PKNOX2: variants seen among roughly 807,000 people sequenced by gnomAD.
The protein encoded by PKNOX2 is PBX/knotted 1 homeobox 2.
Under a neutral mutation model 53.1 loss-of-function variants are expected in PKNOX2, and 14 were observed. The observed-to-expected ratio is 0.26, with a 90% CI of 0.17 to 0.41. The LOEUF (loss-of-function observed/expected upper bound fraction) is 0.41. PKNOX2 is among the 10% of genes least tolerant of loss of function. PKNOX2 has a pLI of 1.00. For synonymous variants in PKNOX2, 257 were observed against 242.8 expected (o/e 1.06, Z -0.54); for missense variants, 496 against 602.8 (o/e 0.82, Z 1.85).
chr11:125,377,724 T>C (rs1952924908), intron 5 of PKNOX2, among the ~76,000 whole-genome samples: 1 of 152,168 alleles, frequency 6.6e-6, no homozygotes, highest in Non-Finnish European at 1.5e-5. Flanking sequence ...TAAAATACAC[T>C]AATACTAACA....
chr11:125,300,171 GGAGAGTCTGCTTTT>G (rs972345842), intron 2 of PKNOX2, among the ~76,000 whole-genome samples: 4 of 152,180 alleles, frequency 2.6e-5, no homozygotes, highest in African/African-American at 9.7e-5. Flanking sequence ...TGGCTTCTTT[GGAGAGTCTGCTTTT>G]GAAAGAGCAA....
chr11:125,380,177 T>G (rs1953127252), intron 5 of PKNOX2, among the ~76,000 whole-genome samples: 1 of 152,252 alleles, frequency 6.6e-6, no homozygotes, highest in Non-Finnish European at 1.5e-5. Context: ...GGCGCAGAGC[T>G]GAATGTGCTA....
chr11:125,398,388 C>A (rs189605793), intron 7 of PKNOX2, among the ~76,000 whole-genome samples: 350 of 152,344 alleles, frequency 2.3e-3, no homozygotes, highest in Middle Eastern at 6.8e-3. Flanking sequence ...GGAAAGCTCT[C>A]CTGGAGGATG....
chr11:125,375,318 C>T (rs1229807017), intron 5 of PKNOX2, among the ~76,000 whole-genome samples: 1 of 152,184 alleles, frequency 6.6e-6, no homozygotes, highest in South Asian at 2.1e-4. Flanking sequence ...TTCTCTCATA[C>T]AGCAACAGTC....
chr11:125,195,430 G>T (rs1957119306), intron 1 of PKNOX2, among the ~76,000 whole-genome samples: 1 of 152,168 alleles, frequency 6.6e-6, no homozygotes, highest in Admixed American at 6.5e-5. Context: ...TGGGAGGCCT[G>T]GGAAGCAGGA....
chr11:125,225,590 T>A (rs1352913006), intron 1 of PKNOX2, among the ~76,000 whole-genome samples: 1 of 152,140 alleles, frequency 6.6e-6, no homozygotes, highest in Non-Finnish European at 1.5e-5. Context: ...GCTGGCTTAC[T>A]CCTGGAGGGC....
intron 1 of PKNOX2, among the ~76,000 whole-genome samples, chr11:125,195,229 G>C (rs1957109215): frequency 6.6e-6 from 1 of 152,158 alleles, no homozygotes; most frequent in South Asian, 2.1e-4. Context: ...TCTCAGCCTA[G>C]AAAGAAGCTG....
chr11:125,293,553 A>C (rs182054916), intron 2 of PKNOX2, among the ~76,000 whole-genome samples: 1 of 152,164 alleles, frequency 6.6e-6, no homozygotes, highest in Non-Finnish European at 1.5e-5. Context: ...CAGGTCTTGC[A>C]TCTGGCAGCC....
intron 10 of PKNOX2, among the ~76,000 whole-genome samples, chr11:125,423,036 G>A (rs1956243421): frequency 7.3e-6 from 1 of 136,432 alleles, no homozygotes. Flanking sequence ...ATACTGATCA[G>A]TTTAGCTACA....
chr11:125,219,742 A>C (rs1052222342), intron 1 of PKNOX2, among the ~76,000 whole-genome samples: 2 of 152,246 alleles, frequency 1.3e-5, no homozygotes, highest in Admixed American at 6.5e-5. Flanking sequence ...AATGGGCAAA[A>C]AGCCAAAAAA....
rs944192976 is a variant in PKNOX2 at position 125,310,324 on chromosome 11, A to G, written c.-129-21495A>G. ...AGCCTGAGCAACATGGTGAAACCAC[A>G]TCTCTACTAAAAATACAAAAATTAA... On this transcript the variant is annotated intron_variant, in intron 2 of 12. Coordinates refer to ENST00000298282, the MANE Select transcript of PKNOX2 (RefSeq NM_001382323.2). Among the ~76,000 whole-genome samples, 3 of 152,052 alleles carry G rather than the reference A, an allele frequency of 2.0e-5. No individual in the cohort carries two copies. In the South Asian group the frequency reaches 6.2e-4, roughly 32 times the overall value.
intron 1 of PKNOX2, among the ~76,000 whole-genome samples, chr11:125,232,718 T>A (rs1942317556): frequency 6.6e-6 from 1 of 152,182 alleles, no homozygotes; most frequent in African/African-American, 2.4e-5. Flanking sequence ...AACCCTCAGT[T>A]GGGTACCATA....
intron 7 of PKNOX2, among the ~76,000 whole-genome samples, chr11:125,401,567 C>T (rs1166907230): frequency 6.6e-6 from 1 of 152,076 alleles, no homozygotes; most frequent in Non-Finnish European, 1.5e-5. Context: ...CCCACTTGCA[C>T]ACTCACACGT....
chr11:125,199,615 C>T (rs773008901), intron 1 of PKNOX2, among the ~76,000 whole-genome samples: 5 of 152,106 alleles, frequency 3.3e-5, no homozygotes, highest in African/African-American at 9.7e-5. Flanking sequence ...AGGCCAAGGC[C>T]GGTGGATCAC....
intron 11 of PKNOX2, 30 bp from the exon 12 acceptor site, chr11:125,429,933 T>C (rs759255853): frequency 1.2e-6 from 2 of 1,605,306 alleles, no homozygotes; most frequent in Non-Finnish European, 1.7e-6. Flanking sequence ...AGGTGATGAC[T>C]AACCAGGTCT....
intron 1 of PKNOX2, among the ~76,000 whole-genome samples, chr11:125,179,429 G>C (rs1956028090): frequency 6.6e-6 from 1 of 152,194 alleles, no homozygotes. Flanking sequence ...TGATGTTTGA[G>C]GTGAGCCTGA....
chr11:125,318,780 G>A (rs1949354582), intron 2 of PKNOX2, among the ~76,000 whole-genome samples: 2 of 152,174 alleles, frequency 1.3e-5, no homozygotes, highest in African/African-American at 2.4e-5. Flanking sequence ...GAGGGACCTG[G>A]TGGAGGTGAT....
chr11:125,266,717 A>T (rs1195553444), intron 2 of PKNOX2: 1 of 152,222 alleles, frequency 6.6e-6, no homozygotes, highest in Non-Finnish European at 1.5e-5. Flanking sequence ...CAGCCACAGG[A>T]TGCTGAGCTG....
At chr11:125,229,542 A>G (rs1412956702) in intron 1 of PKNOX2, among the ~76,000 whole-genome samples, 1 of 152,218 alleles carries the variant, frequency 6.6e-6, no homozygotes. Context: ...CTGCCAGTCA[A>G]TAAGGAGTCG....
Sources: allele counts gnomAD v4.1 joint callset (sites outside exome capture counted in the v4.1 genomes callset), GRCh38; gene constraint gnomAD v4.1.1; transcripts MANE v1.5; gene names NCBI Gene and HGNC (gene_info 2026-07-23, HGNC 2026-07-21).